Variants in SDK2 observed in about 807,000 individuals in gnomAD.
SDK2 encodes sidekick cell adhesion molecule 2.
SDK2 carries 105 observed loss-of-function variants against 253.9 expected under a neutral mutation model. The ratio of observed to expected loss-of-function variants is 0.41; its 90% CI spans 0.35 to 0.49. SDK2 has a LOEUF of 0.49. SDK2 is among the 20% of genes least tolerant of loss of function. SDK2 has a pLI of 0.06. For synonymous variants in SDK2, 1,249 were observed against 1,234.9 expected (o/e 1.01, Z -0.24); for missense variants, 2,608 against 3,003.0 (o/e 0.87, Z 3.07).
intron 44 of SDK2, among the ~76,000 whole-genome samples, chr17:73,339,689 G>A (rs1458805471): frequency 6.6e-6 from 1 of 151,612 alleles, no homozygotes; most frequent in East Asian, 1.9e-4. Context: ...GAGTAGCCAG[G>A]ACTATGGGTG....
At chr17:73,393,376 C>T (rs1402330788) in intron 27 of SDK2, among the ~76,000 whole-genome samples, 184 bp downstream of exon 27, 1 of 152,050 alleles carries the variant, frequency 6.6e-6, no homozygotes, top group East Asian at 1.9e-4. Context: ...CAGGGATACA[C>T]AGGCTGTAAT....
At chr17:73,449,525 TG>T (rs2063476454) in intron 4 of SDK2, among the ~76,000 whole-genome samples, 1 of 151,876 alleles carries the variant, frequency 6.6e-6, no homozygotes, top group Admixed American at 6.6e-5. Context: ...ATCACACTCT[TG>T]GCACAGCTCT....
At chr17:73,554,118 C>G (rs2045107469) in intron 1 of SDK2, among the ~76,000 whole-genome samples, 1 of 152,140 alleles carries the variant, frequency 6.6e-6, no homozygotes, top group Non-Finnish European at 1.5e-5. Context: ...GTCTCTGCCC[C>G]CTTTCAGGTC....
intron 4 of SDK2, among the ~76,000 whole-genome samples, chr17:73,450,558 G>A (rs1172039115): frequency 3.3e-5 from 5 of 152,140 alleles, no homozygotes; most frequent in Non-Finnish European, 5.9e-5. Context: ...GCACAGCTTG[G>A]CCCACGTTCC....
At chr17:73,578,704 G>A (rs1361719305) in intron 1 of SDK2, among the ~76,000 whole-genome samples, 2 of 152,156 alleles carry the variant, frequency 1.3e-5, no homozygotes, top group African/African-American at 4.8e-5. Context: ...GGCAGGGATT[G>A]GGGTTGGGCC....
At chr17:73,524,683 C>T (rs568614547) in intron 1 of SDK2, among the ~76,000 whole-genome samples, 11 of 152,320 alleles carry the variant, frequency 7.2e-5, no homozygotes, top group South Asian at 6.2e-4. Flanking sequence ...CCAGGTAGCA[C>T]GACTGTCCCA....
chr17:73,513,243 T>C (rs528649408), intron 1 of SDK2, among the ~76,000 whole-genome samples: 8 of 151,776 alleles, frequency 5.3e-5, no homozygotes, highest in African/African-American at 9.7e-5. Flanking sequence ...TTTCCTGATA[T>C]AGAAATGTTC....
chr17:73,401,158 A>G lies in SDK2; in HGVS notation c.2833T>C (p.Tyr945His), dbSNP rs1466274258. The G allele has an allele frequency of 6.4e-7, 1 of 1,559,266 alleles. No individual in the cohort carries two copies. Among genetic ancestry groups the G allele is most frequent in the African/African-American group, 1.4e-5 (1 of 73,618 alleles). Residue 945 changes from tyrosine (Y) to histidine (H), a missense_variant, in exon 21 of 45, where the codon TAC (tyrosine) becomes CAC (histidine). By Grantham distance (83) the Tyr-to-His change is moderately conservative (BLOSUM62 2). Coordinates refer to ENST00000392650, the MANE Select transcript of SDK2 (RefSeq NM_001144952.2). ...TACTCCAGGGTCACGTTGGGCAGGT[A>G]GTGGGTCACACGGGTGTTGGTTCGA... ...YNRTNTRVTH[Y>H]LPNVTLEYRV...
chr17:73,435,407 G>A lies in SDK2; in HGVS notation c.1195+43C>T, dbSNP rs1372276832. 2.0e-6 allele frequency: 3 copies of A among 1,527,426 alleles called. No homozygotes were observed. Among genetic ancestry groups the A allele is most frequent in the Non-Finnish European group, 2.7e-6 (3 of 1,129,542 alleles). 94.6% of individuals were successfully genotyped at this position (1,527,426 alleles called of 1,614,324 possible). On this transcript the variant is annotated intron_variant, in intron 9 of 44. Transcript: ENST00000392650. The surrounding 1 kb of genome is among the most constrained non-coding windows in gnomAD (Gnocchi z 5.7). Reference sequence around the variant, plus strand: ...GACCTTGGAAGAAAGCTGCGTCCTGGGAAGAGGGGCTCACGGGCAGCACAA... The same window carrying A: ...GACCTTGGAAGAAAGCTGCGTCCTGAGAAGAGGGGCTCACGGGCAGCACAA...
At chr17:73,419,724 A>AC (rs1568394597) in intron 15 of SDK2, among the ~76,000 whole-genome samples, 7 of 74,322 alleles carry the variant, frequency 9.4e-5, no homozygotes, top group African/African-American at 2.6e-4. Context: ...AACAACAAAA[A>AC]AAACCCAAAA....
At chr17:73,627,418 C>A (rs1355731790) in intron 1 of SDK2, among the ~76,000 whole-genome samples, 1 of 152,170 alleles carries the variant, frequency 6.6e-6, no homozygotes, top group African/African-American at 2.4e-5. Context: ...CATCTTTCAG[C>A]GACGCCTCCT....
chr17:73,396,476 ACTC>A, intron 24 of SDK2, among the ~76,000 whole-genome samples: 1 of 149,980 alleles, frequency 6.7e-6, no homozygotes. Flanking sequence ...ACTTTACCCC[ACTC>A]CTCACCTTCG....
At chr17:73,382,986 A>G (rs1295884866) in intron 33 of SDK2, among the ~76,000 whole-genome samples, 2 of 152,180 alleles carry the variant, frequency 1.3e-5, no homozygotes, top group Non-Finnish European at 2.9e-5. Flanking sequence ...CTGAGATGGC[A>G]CCATTACACT....
intron 1 of SDK2, among the ~76,000 whole-genome samples, chr17:73,584,010 C>G (rs2045571386): frequency 6.6e-6 from 1 of 152,224 alleles, no homozygotes; most frequent in Admixed American, 6.5e-5. Context: ...GCAGAGGAAA[C>G]TTGGGGTTGT....
At chr17:73,388,804 TTCCTTCCCTCCCTC>T (rs1169325146) in intron 29 of SDK2, among the ~76,000 whole-genome samples, 9 of 51,310 alleles carry the variant, frequency 1.8e-4, no homozygotes, top group East Asian at 9.2e-4. Context: ...CCCTCCTTCC[TTCCTTCCCTCCCTC>T]TCCTTCCTTC....
rs564050226 is a variant in SDK2 at position 73,447,394 on chromosome 17, C to T, written c.613+221G>A. Among the ~76,000 whole-genome samples the T allele has an allele frequency of 2.6e-5, 4 of 152,210 alleles. No individual in the cohort carries two copies. The highest frequency in any genetic ancestry group is 1.9e-4 in the East Asian group (1 of 5,170). ...CTCTCTACCGATGCAGGATCTCAGG[C>T]GTGTCATGGGAACGGGCTCCAGCGT... On this transcript the variant is annotated intron_variant, in intron 5 of 44. Coordinates refer to ENST00000392650, the MANE Select transcript of SDK2 (RefSeq NM_001144952.2). This position sits in a 1 kb window ranked among gnomAD's most constrained non-coding sequence, Gnocchi z 4.0.
chr17:73,535,676 C>T (rs150172372), intron 1 of SDK2, among the ~76,000 whole-genome samples: 8 of 152,296 alleles, frequency 5.3e-5, no homozygotes, highest in Admixed American at 2.0e-4. Context: ...TCATGGGCTA[C>T]GGATTGGGAA....
chr17:73,417,345 G>T (rs939861462), intron 16 of SDK2, among the ~76,000 whole-genome samples: 3 of 151,578 alleles, frequency 2.0e-5, no homozygotes, highest in African/African-American at 4.9e-5. Flanking sequence ...GGTGGAGGTT[G>T]CAGTGAGCTG....
intron 2 of SDK2, among the ~76,000 whole-genome samples, chr17:73,475,078 A>G (rs1418423800): frequency 2.6e-5 from 4 of 152,190 alleles, no homozygotes; most frequent in African/African-American, 9.7e-5. Context: ...GCCTTTGGGA[A>G]AAAGTCTATG....
Sources: gnomAD v4.1 joint callset for allele counts (sites outside exome capture counted in the v4.1 genomes callset) on GRCh38, gnomAD v4.1.1 for gene constraint, Gnocchi (gnomAD v3.1) non-coding constraint, MANE v1.5 for transcripts, NCBI Gene and HGNC (gene_info 2026-07-23, HGNC 2026-07-21) for gene names.